The following CAMSAP3 variants were observed in gnomAD, a reference collection of about 807,000 sequenced individuals.
The protein encoded by CAMSAP3 is calmodulin-regulated spectrin-associated protein 3.
In CAMSAP3, 34 loss-of-function variants were observed where a neutral mutation model predicts 112.5. That is an observed-to-expected ratio of 0.30 (90% CI 0.23 to 0.40). CAMSAP3 has a LOEUF of 0.40. Among genes scored for constraint, CAMSAP3 ranks in the 10% least tolerant of loss-of-function variants. The pLI is 1.00. For synonymous variants in CAMSAP3, 868 were observed against 799.8 expected (o/e 1.09, Z -1.44); for missense variants, 1,602 against 1,770.3 (o/e 0.90, Z 1.71).
At chr19:7,606,426 G>A (rs369109189) in intron 3 of CAMSAP3, 33 bp downstream of exon 3, 2 of 1,611,812 alleles carry the variant, frequency 1.2e-6, no homozygotes, top group African/African-American at 1.3e-5. Context: ...TGGGTTCGGG[G>A]ACCAGCATCG....
chr19:7,611,368 C>A lies in CAMSAP3; in HGVS notation c.1124-149C>A. ...AGTGACAGTAAATGGCCCCGGGTAT[C>A]TGTTTCTGGAAACCTCTGGTCTCAC... On this transcript the variant is annotated intron_variant, in intron 9 of 16. Coordinates refer to ENST00000160298, the MANE Select transcript of CAMSAP3 (RefSeq NM_020902.2). The surrounding 1 kb of genome is among the most constrained non-coding windows in gnomAD (Gnocchi z 6.9). 1 of 897,344 alleles carries A rather than the reference C, an allele frequency of 1.1e-6. No homozygotes were observed. Among genetic ancestry groups the A allele is most frequent in the Non-Finnish European group, 1.7e-6 (1 of 592,644 alleles). 55.6% of individuals were successfully genotyped at this position (897,344 alleles called of 1,614,324 possible).
intron 1 of CAMSAP3, among the ~76,000 whole-genome samples, chr19:7,597,514 C>T (rs771947388): frequency 6.6e-6 from 1 of 152,164 alleles, no homozygotes; most frequent in African/African-American, 2.4e-5. Flanking sequence ...TAAAAGAAGG[C>T]GTTCATTCAC....
In CAMSAP3 at chr19:7,612,988, C is replaced by T. The variant is rs868485292; in HGVS notation, c.2495C>T (p.Thr832Met). Reference sequence around the variant, plus strand: ...TCTTCCATCCTCCTGGCGGAGGAGACGCCCCCCGAGGAGCCAGCCGCCCGG... The same window carrying T: ...TCTTCCATCCTCCTGGCGGAGGAGATGCCCCCCGAGGAGCCAGCCGCCCGG... The part of the protein sequence containing the change: ...TRSSILLAEE[T>M]PPEEPAARPG... Residue 832 changes from threonine (T) to methionine (M), a missense_variant, in exon 11 of 17, where the codon ACG becomes ATG. Thr to Met is a moderately conservative substitution (Grantham distance 81). This residue lies in a region of CAMSAP3 where 1,100 missense variants were observed against 1,135.7 expected (regional missense o/e 0.97). Transcript: ENST00000160298. 2 of 1,584,338 alleles carry T rather than the reference C, an allele frequency of 1.3e-6. No homozygotes were observed. Among genetic ancestry groups the T allele is most frequent in the East Asian group, 2.4e-5 (1 of 42,212 alleles).
At position 7,612,958 on chromosome 19, in the gene CAMSAP3, C is replaced by G; in HGVS notation, c.2465C>G (p.Thr822Arg). ...KFSPSQVPVQ[T>R]RSSILLAEET... The stretch of plus-strand genomic sequence containing the variant: ...TCGCCGAGCCAGGTGCCCGTGCAGA[C>G]GCGCTCTTCCATCCTCCTGGCGGAG... Residue 822 changes from threonine (T) to arginine (R), a missense_variant, in exon 11 of 17, where the codon ACG (threonine) becomes AGG (arginine). This residue lies in a region of CAMSAP3 where 1,100 missense variants were observed against 1,135.7 expected (regional missense o/e 0.97). Coordinates refer to ENST00000160298, the MANE Select transcript of CAMSAP3 (RefSeq NM_020902.2). 1 of 1,606,208 alleles carries G rather than the reference C, an allele frequency of 6.2e-7. No homozygotes were observed. Among genetic ancestry groups the G allele is most frequent in the South Asian group, 1.1e-5 (1 of 90,096 alleles).
chr19:7,610,755 C>G lies in CAMSAP3; in HGVS notation c.956C>G (p.Pro319Arg). ...TTCATGTGTTTTGAGGTGCTCAAGC[C>G]CGACTTTGTGCAAGTGAAGGACTTG... Reference protein sequence around the residue: ...ELFMCFEVLKPDFVQVKDLPD... With the variant: ...ELFMCFEVLKRDFVQVKDLPD... Residue 319 changes from proline (P) to arginine (R), a missense_variant, in exon 7 of 17, where the codon CCC (proline) becomes CGC (arginine). Pro to Arg is a moderately radical substitution (Grantham distance 103). Coordinates refer to ENST00000160298, the MANE Select transcript of CAMSAP3 (RefSeq NM_020902.2). This position sits in a 1 kb window ranked among gnomAD's most constrained non-coding sequence, Gnocchi z 4.9. 1 of 1,614,018 alleles carries G rather than the reference C, an allele frequency of 6.2e-7. No homozygotes were observed. The highest frequency in any genetic ancestry group is 1.3e-5 in the African/African-American group (1 of 75,060).
intron 5 of CAMSAP3, 36 bp downstream of exon 5, chr19:7,608,300 G>T: frequency 6.3e-7 from 1 of 1,588,790 alleles, no homozygotes. Flanking sequence ...CTTGTGCCGG[G>T]GAGCTGGGCA....
In CAMSAP3 at chr19:7,612,483, G is replaced by A. The variant is rs1402937615; in HGVS notation, c.1990G>A (p.Gly664Arg). 16 of 1,559,378 alleles carry A rather than the reference G, an allele frequency of 1.0e-5. No homozygotes were observed. Among genetic ancestry groups the A allele is most frequent in the Non-Finnish European group, 1.3e-5 (15 of 1,154,800 alleles). ...GGCCGATTCCGGTCCAGTCCCTGGT[G>A]GGGAGCGGCCCGCAGGCGAGGGCCA... ...EEADSGPVPG[G>R]ERPAGEGQGE... is the part of the protein sequence containing the mutation. The change falls in exon 11 of 17, where the codon GGG becomes AGG. Residue 664 changes from glycine (G) to arginine (R), a missense_variant. Transcript: ENST00000160298.
Position 7,605,338 on chromosome 19 carries a change from C to T in CAMSAP3, c.261C>T (p.Ala87=), listed in dbSNP as rs937825222. ...TCTCAGCCGAGCTCTACTGCAGAGCCTGGCGCCAGGCACTGCCACAGCTTG... is the reference window on the plus strand; with the variant it reads ...TCTCAGCCGAGCTCTACTGCAGAGCTTGGCGCCAGGCACTGCCACAGCTTG... ...LLLSAELYCR[A]WRQALPQLET... is the part of the protein sequence containing the mutation. The change falls in exon 2 of 17, where the codon GCC becomes GCT. Residue 87 remains alanine (A), a synonymous_variant. Transcript: ENST00000160298. 1.9e-6 allele frequency: 3 copies of T among 1,609,384 alleles called. No homozygotes were observed. Among genetic ancestry groups the T allele is most frequent in the African/African-American group, 2.7e-5 (2 of 74,724 alleles).
chr19:7,612,215 G>C lies in CAMSAP3; in HGVS notation c.1722G>C (p.Leu574=). ...MTSFAERKKQ[L]VKAEAEAGAG... ...GCTTTGCAGAACGCAAGAAACAGCT[G>C]GTGAAGGCAGAGGCTGAGGCCGGAG... Residue 574 remains leucine, a synonymous_variant, in exon 11 of 17, where the codon CTG becomes CTC. Transcript: ENST00000160298. 1 of 1,599,524 alleles carries C rather than the reference G, an allele frequency of 6.3e-7. No homozygotes were observed. Among genetic ancestry groups the C allele is most frequent in the South Asian group, 1.1e-5 (1 of 89,524 alleles).
intron 1 of CAMSAP3, among the ~76,000 whole-genome samples, chr19:7,601,727 T>TAAAATAAAATA (rs1334986611): frequency 6.8e-6 from 1 of 147,576 alleles, no homozygotes; most frequent in Non-Finnish European, 1.5e-5. Flanking sequence ...TAAAATAAAA[T>TAAAATAAAATA]AAAATAAAAT....
Position 7,612,070 on chromosome 19 carries a change from C to T in CAMSAP3, c.1577C>T (p.Pro526Leu), listed in dbSNP as rs2030522968. 2 of 1,609,764 alleles carry T rather than the reference C, an allele frequency of 1.2e-6. No individual in the cohort carries two copies. Residue 526 changes from proline to leucine, a missense_variant, in exon 11 of 17, where the codon CCC becomes CTC. By Grantham distance (98) the Pro-to-Leu change is moderately conservative. Coordinates refer to ENST00000160298, the MANE Select transcript of CAMSAP3 (RefSeq NM_020902.2). The part of the protein sequence containing the change: ...APVYMPHPET[P>L]SKPSPCLVGE... ...GTGTACATGCCACACCCCGAGACCCCCTCGAAACCATCTCCCTGTCTGGTG... is the reference window on the plus strand; with the variant it reads ...GTGTACATGCCACACCCCGAGACCCTCTCGAAACCATCTCCCTGTCTGGTG...
At chr19:7,609,019 T>C (rs1414305151) in intron 5 of CAMSAP3, among the ~76,000 whole-genome samples, 1 of 151,996 alleles carries the variant, frequency 6.6e-6, no homozygotes, top group African/African-American at 2.4e-5. Flanking sequence ...TTTTTCTTTT[T>C]TATTAAAAAA....
At position 7,610,682 on chromosome 19, in the gene CAMSAP3, C is replaced by T; in HGVS notation, c.901-18C>T. The T allele has an allele frequency of 6.2e-7, 1 of 1,613,918 alleles. No homozygotes were observed. The highest frequency in any genetic ancestry group is 8.5e-7 in the Non-Finnish European group (1 of 1,179,992). The stretch of plus-strand genomic sequence containing the variant: ...GGGGCCAGGGGTCCCGTCTGCTGAC[C>T]CGGCCTCCCACCTCCAGGTCAACTT... On this transcript the variant is annotated intron_variant, in intron 6 of 16. Transcript: ENST00000160298. The surrounding 1 kb of genome is among the most constrained non-coding windows in gnomAD (Gnocchi z 4.9).
chr19:7,612,880 G>C lies in CAMSAP3; in HGVS notation c.2387G>C (p.Arg796Thr). ...PAELRLAPLT[R>T]VLTPPHDVDS... ...GAGCTGCGGCTGGCACCCTTGACCA[G>C]GGTGCTTACGCCACCCCACGACGTA... The change falls in exon 11 of 17, where the codon AGG becomes ACG. Residue 796 changes from arginine (R) to threonine (T), a missense_variant. Physicochemically the swap from Arg to Thr is moderately conservative, Grantham distance 71. Coordinates refer to ENST00000160298, the MANE Select transcript of CAMSAP3 (RefSeq NM_020902.2). The C allele has an allele frequency of 6.2e-7, 1 of 1,606,656 alleles. No individual in the cohort carries two copies. The highest frequency in any genetic ancestry group is 8.5e-7 in the Non-Finnish European group (1 of 1,178,268).
At position 7,617,819 on chromosome 19, in the gene CAMSAP3, C is replaced by T. The variant is rs771683691; in HGVS notation, c.3512C>T (p.Ala1171Val). 1.2e-6 allele frequency: 2 copies of T among 1,612,866 alleles called. No homozygotes were observed. Among genetic ancestry groups the T allele is most frequent in the Non-Finnish European group, 8.5e-7 (1 of 1,179,636 alleles). Residue 1171 changes from alanine to valine, a missense_variant, in exon 17 of 17, where the codon GCG (alanine) becomes GTG (valine). This residue lies in a region of CAMSAP3 where 150 missense variants were observed against 207.6 expected (regional missense o/e 0.72). Coordinates refer to ENST00000160298, the MANE Select transcript of CAMSAP3 (RefSeq NM_020902.2). This position sits in a 1 kb window ranked among gnomAD's most constrained non-coding sequence, Gnocchi z 7.5. The stretch of plus-strand genomic sequence containing the variant: ...CGCGACTCGAGCTGCCAGTTCCGGG[C>T]GCTCTACACGCTGTCGGGGGAGACA... Reference protein sequence around the residue: ...LFRDSSCQFRALYTLSGETEE... With the variant: ...LFRDSSCQFRVLYTLSGETEE...
intron 2 of CAMSAP3, 115 bp from the exon 3 acceptor site, chr19:7,606,156 A>ACCC (rs57108239): frequency 0.026 from 5,849 of 226,888 alleles, 124 homozygotes; most frequent in Non-Finnish European, 0.033. Context: ...CTCAAGCCCC[A>ACCC]CCCCCCCCGT....
chr19:7,607,117 C>T lies in CAMSAP3; in HGVS notation c.621+546C>T, dbSNP rs2146165147. On this transcript the variant is annotated intron_variant, in intron 4 of 16. Transcript: ENST00000160298. The surrounding 1 kb of genome is among the most constrained non-coding windows in gnomAD (Gnocchi z 4.9). The stretch of plus-strand genomic sequence containing the variant: ...TTCCCATTAATGAAGAGGGTGGGAC[C>T]CCCTGAACCTGTCCCCCTTAGCCGA... Among the ~76,000 whole-genome samples the T allele has an allele frequency of 6.6e-6, 1 of 152,190 alleles. No homozygotes were observed. Among genetic ancestry groups the T allele is most frequent in the Non-Finnish European group, 1.5e-5 (1 of 68,008 alleles).
chr19:7,597,681 G>A (rs1348160458), intron 1 of CAMSAP3, among the ~76,000 whole-genome samples: 1 of 152,250 alleles, frequency 6.6e-6, no homozygotes, highest in Non-Finnish European at 1.5e-5. Context: ...CACGGGGCGC[G>A]TGATACATGC....
chr19:7,609,833 C>T (rs572609241), intron 5 of CAMSAP3, among the ~76,000 whole-genome samples: 9 of 152,074 alleles, frequency 5.9e-5, no homozygotes, highest in Non-Finnish European at 1.3e-4. Context: ...ACGCCAGGTT[C>T]ACAATAGGGT....
Sources: gnomAD v4.1 joint callset for allele counts (sites outside exome capture counted in the v4.1 genomes callset) on GRCh38, gnomAD v4.1.1 for gene constraint, gnomAD v4.1.1 regional missense constraint, Gnocchi (gnomAD v3.1) non-coding constraint, MANE v1.5 for transcripts, NCBI Gene and HGNC (gene_info 2026-07-23, HGNC 2026-07-21) for gene names.